Variants in ITGA1 observed in about 807,000 individuals in gnomAD.
The protein encoded by ITGA1 is integrin subunit alpha 1.
In ITGA1, 85 loss-of-function variants were observed where a neutral mutation model predicts 145.9. The ratio of observed to expected loss-of-function variants is 0.58; its 90% confidence interval spans 0.49 to 0.70. The LOEUF (loss-of-function observed/expected upper bound fraction) is 0.70. Ranked by LOEUF, ITGA1 falls within the 30% of genes least tolerant of loss-of-function variation. ITGA1 has a pLI of 0.00. For synonymous variants in ITGA1, 520 were observed against 495.3 expected, an observed-to-expected ratio of 1.05 and a Z score of -0.66; for missense variants, 1,351 against 1,418.7, an observed-to-expected ratio of 0.95 and a Z score of 0.77.
At chr5:52,821,324 G>A (rs1748875629) in intron 1 of ITGA1, among the ~76,000 whole-genome samples, 1 of 152,066 alleles carries the variant, frequency 6.6e-6, no homozygotes, top group African/African-American at 2.4e-5. Flanking sequence ...CGAAGTCTAG[G>A]AACCTATGTC....
chr5:52,877,799 C>G (rs1317722948), intron 6 of ITGA1, among the ~76,000 whole-genome samples: 1 of 152,124 alleles, frequency 6.6e-6, no homozygotes, highest in Admixed American at 6.5e-5. Context: ...TGAGCAAAGC[C>G]AAGAACCCTT....
rs548017572 is a variant in ITGA1 at position 52,851,175 on chromosome 5, T to A, written c.182+1690T>A. 1.7e-4 allele frequency among the ~76,000 whole-genome samples: 26 copies of A among 152,348 alleles called. No homozygotes were observed. In the South Asian group the frequency reaches 4.8e-3, roughly 28 times the overall value. On this transcript the variant is annotated intron_variant, in intron 2 of 28. Coordinates refer to ENST00000282588, the MANE Select transcript of ITGA1 (RefSeq NM_181501.2). Reference sequence around the variant, plus strand: ...AATATTGCTAAAATATTTTATGAAATTCTCATTTTCAATTTCTGATATCAG... The same window carrying A: ...AATATTGCTAAAATATTTTATGAAAATCTCATTTTCAATTTCTGATATCAG...
At chr5:52,834,037 T>G (rs1749117231) in intron 1 of ITGA1, among the ~76,000 whole-genome samples, 1 of 152,214 alleles carries the variant, frequency 6.6e-6, no homozygotes, top group Admixed American at 6.5e-5. Flanking sequence ...TCAGGTACTT[T>G]AGCAATATAG....
At chr5:52,876,499 C>T (rs1447775504) in intron 6 of ITGA1, among the ~76,000 whole-genome samples, 1 of 152,168 alleles carries the variant, frequency 6.6e-6, no homozygotes, top group Non-Finnish European at 1.5e-5. Context: ...TGTCATTTCC[C>T]TGAGACTTGA....
chr5:52,823,609 A>G (rs17211100), intron 1 of ITGA1, among the ~76,000 whole-genome samples: 32,810 of 152,170 alleles, frequency 0.22, 3,706 homozygotes, highest in Middle Eastern at 0.3. Flanking sequence ...TCTAACTCCT[A>G]AGATCTTGTC....
At chr5:52,846,463 A>G (rs1031700822) in intron 1 of ITGA1, among the ~76,000 whole-genome samples, 5 of 152,212 alleles carry the variant, frequency 3.3e-5, no homozygotes, top group African/African-American at 1.2e-4. Context: ...TAGAAAAGGT[A>G]CACTAAAGCT....
chr5:52,890,385 T>C (rs12514345), intron 8 of ITGA1, among the ~76,000 whole-genome samples: 70,128 of 152,100 alleles, frequency 0.46, 16,724 homozygotes, highest in East Asian at 0.58. Context: ...GTTGCATATC[T>C]GTATAGTTCA....
chr5:52,905,427 A>T (rs540731696), intron 11 of ITGA1: 1 of 174,568 alleles, frequency 5.7e-6, no homozygotes, highest in South Asian at 1.6e-4. Context: ...GTGCAGACAC[A>T]TATATCCAAA....
rs1003657630 is a variant in ITGA1 at position 52,953,820 on chromosome 5, G to A, written c.*1369G>A. The A allele has an allele frequency of 6.6e-6, 1 of 152,202 alleles. No homozygotes were observed. The highest frequency in any genetic ancestry group is 1.5e-5 in the Non-Finnish European group (1 of 68,048). The allele number at this position is 152,202 out of a possible 1,614,324, so 9.4% of individuals were successfully genotyped here. On this transcript the variant is annotated 3_prime_UTR_variant, in exon 29 of 29. Coordinates refer to ENST00000282588, the MANE Select transcript of ITGA1 (RefSeq NM_181501.2). ...TGCTGTAAAGTTTGCTGACATTTCTGCAACAACATTTCTCCATCTGATTTA... is the reference window on the plus strand; with the variant it reads ...TGCTGTAAAGTTTGCTGACATTTCTACAACAACATTTCTCCATCTGATTTA...
At chr5:52,839,104 AAAC>A (rs1226645827) in intron 1 of ITGA1, among the ~76,000 whole-genome samples, 2 of 152,258 alleles carry the variant, frequency 1.3e-5, no homozygotes, top group African/African-American at 4.8e-5. Flanking sequence ...CTCAAAACAA[AAAC>A]AACAACTACA....
intron 6 of ITGA1, among the ~76,000 whole-genome samples, chr5:52,870,632 A>G (rs763143196): frequency 6.6e-6 from 1 of 152,194 alleles, no homozygotes; most frequent in Non-Finnish European, 1.5e-5. Context: ...CTGACAGGGA[A>G]GTCGGAGCAG....
At chr5:52,819,924 T>A (rs1748846587) in intron 1 of ITGA1, among the ~76,000 whole-genome samples, 1 of 152,190 alleles carries the variant, frequency 6.6e-6, no homozygotes, top group Non-Finnish European at 1.5e-5. Context: ...CCATTGCTTG[T>A]TTTTCTCAGG....
At chr5:52,865,198 A>G (rs1056806303) in intron 5 of ITGA1, 116 bp downstream of exon 5, 36 of 699,208 alleles carry the variant, frequency 5.1e-5, no homozygotes, top group Non-Finnish European at 7.9e-5. Flanking sequence ...TACCAGCATT[A>G]CCAATTTAGG....
chr5:52,910,390 G>A lies in ITGA1; in HGVS notation c.1828G>A (p.Gly610Ser), dbSNP rs1172115550. The A allele has an allele frequency of 3.7e-6, 6 of 1,613,432 alleles. No homozygotes were observed. In the African/African-American group the frequency reaches 6.7e-5, roughly 18 times the overall value. ...AGCTGTGTACATTTATCATGGAAGT[G>A]GCAAGACTATAAGGAAAGAGTATGC... ...GGAVYIYHGS[G>S]KTIRKEYAQR... The change falls in exon 14 of 29, where the codon GGC becomes AGC. Residue 610 changes from glycine to serine, a missense_variant. Gly to Ser is a moderately conservative substitution (Grantham distance 56). Coordinates refer to ENST00000282588, the MANE Select transcript of ITGA1 (RefSeq NM_181501.2).
chr5:52,809,502 C>CT (rs59067853), intron 1 of ITGA1, among the ~76,000 whole-genome samples: 23,710 of 122,314 alleles, frequency 0.19, 2,649 homozygotes, highest in South Asian at 0.24. Context: ...CTCAACTTTA[C>CT]TTTTTTTTTT....
At chr5:52,923,103 G>A (rs1247562608) in intron 18 of ITGA1, among the ~76,000 whole-genome samples, 2 of 152,194 alleles carry the variant, frequency 1.3e-5, no homozygotes, top group African/African-American at 2.4e-5. Context: ...TGAAAACCTG[G>A]GGAATTTTAA....
chr5:52,831,715 TA>T (rs749915734), intron 1 of ITGA1, among the ~76,000 whole-genome samples: 19 of 151,798 alleles, frequency 1.3e-4, no homozygotes, highest in South Asian at 4.2e-4. Context: ...AGAGACAATA[TA>T]TTTTTTTTAC....
chr5:52,914,347 T>C (rs1000591861), intron 14 of ITGA1, among the ~76,000 whole-genome samples: 5 of 151,842 alleles, frequency 3.3e-5, no homozygotes, highest in East Asian at 1.9e-4. Context: ...CTTAAAAAAA[T>C]GAGGAGGATT....
At position 52,952,879 on chromosome 5, in the gene ITGA1, T is replaced by C; in HGVS notation, c.*428T>C. 1 of 152,342 alleles carries C rather than the reference T, an allele frequency of 6.6e-6. No individual in the cohort carries two copies. The highest frequency in any genetic ancestry group is 1.9e-4 in the East Asian group (1 of 5,212). The allele number at this position is 152,342 out of a possible 1,614,324, so 9.4% of individuals were successfully genotyped here. On this transcript the variant is annotated 3_prime_UTR_variant, in exon 29 of 29. Transcript: ENST00000282588. The stretch of plus-strand genomic sequence containing the variant: ...TGTTCAGCATGACAGTCAGCACTCG[T>C]AAATGCCAAGAAAAGAATTACCTGA...
Sources: gnomAD v4.1 joint callset for allele counts (sites outside exome capture counted in the v4.1 genomes callset) on GRCh38, gnomAD v4.1.1 for gene constraint, MANE v1.5 for transcripts, NCBI Gene and HGNC (gene_info 2026-07-23, HGNC 2026-07-21) for gene names.